The following MAGI2 variants were observed in gnomAD, a reference collection of about 807,000 sequenced individuals.
MAGI2 encodes the protein membrane associated guanylate kinase, WW and PDZ domain containing 2, also known as membrane-associated guanylate kinase, WW and PDZ domain-containing protein 2.
A neutral mutation model predicts 133.3 loss-of-function variants in MAGI2; 35 were observed. The observed-to-expected ratio is 0.26, with a 90% CI of 0.20 to 0.35. The LOEUF is 0.35. Among genes scored for constraint, MAGI2 ranks in the 10% least tolerant of loss-of-function variants. MAGI2 has a pLI of 1.00. For synonymous variants in MAGI2, 729 were observed against 710.6 expected (o/e 1.03, Z -0.41); for missense variants, 1,636 against 1,863.4 (o/e 0.88, Z 2.25).
chr7:78,478,097 C>T (rs1250067227), intron 6 of MAGI2, among the ~76,000 whole-genome samples: 9 of 151,628 alleles, frequency 5.9e-5, no homozygotes, highest in Admixed American at 2.0e-4. Flanking sequence ...CAACAGGCCC[C>T]GGTGTGTGAT....
chr7:79,332,242 G>C (rs1840136702), intron 1 of MAGI2, among the ~76,000 whole-genome samples: 1 of 152,176 alleles, frequency 6.6e-6, no homozygotes, highest in African/African-American at 2.4e-5. Flanking sequence ...AGGAAGTAAA[G>C]ATTCAATTCC....
chr7:78,431,417 T>C (rs932025526), intron 6 of MAGI2, among the ~76,000 whole-genome samples: 11 of 152,122 alleles, frequency 7.2e-5, no homozygotes, highest in Non-Finnish European at 7.4e-5. Flanking sequence ...GATTATCCTA[T>C]GGAAGCAGAC....
At chr7:79,275,219 C>A (rs909858460) in intron 1 of MAGI2, among the ~76,000 whole-genome samples, 5 of 152,222 alleles carry the variant, frequency 3.3e-5, no homozygotes, top group African/African-American at 1.2e-4. Context: ...TTAGCCAAAT[C>A]ATGAATTCCA....
At chr7:78,929,994 G>T (rs1799992549) in intron 2 of MAGI2, among the ~76,000 whole-genome samples, 1 of 151,922 alleles carries the variant, frequency 6.6e-6, no homozygotes, top group South Asian at 2.1e-4. Flanking sequence ...TTTAATTTGG[G>T]GCTGGGATTT....
intron 1 of MAGI2, among the ~76,000 whole-genome samples, chr7:79,075,484 G>A (rs1007746185): frequency 6.6e-6 from 1 of 152,124 alleles, no homozygotes; most frequent in African/African-American, 2.4e-5. Flanking sequence ...CATTAGGCTG[G>A]GAGTGGTGGC....
At chr7:79,342,510 C>A (rs1463003994) in intron 1 of MAGI2, among the ~76,000 whole-genome samples, 1 of 152,236 alleles carries the variant, frequency 6.6e-6, no homozygotes, top group Non-Finnish European at 1.5e-5. Flanking sequence ...GATTTAGATG[C>A]TTTTTTATTA....
intron 1 of MAGI2, among the ~76,000 whole-genome samples, chr7:79,146,241 CAGA>C (rs934343718): frequency 7.2e-5 from 11 of 152,170 alleles, no homozygotes; most frequent in African/African-American, 9.7e-5. Flanking sequence ...TCAGCAAACA[CAGA>C]AGAAGATTAA....
At chr7:78,386,007 C>T (rs1045521088) in intron 6 of MAGI2, among the ~76,000 whole-genome samples, 2 of 151,878 alleles carry the variant, frequency 1.3e-5, no homozygotes, top group Non-Finnish European at 2.9e-5. Context: ...CCCCCCCTAG[C>T]TCAAACAGTG....
At chr7:79,168,917 T>G (rs967380421) in intron 1 of MAGI2, among the ~76,000 whole-genome samples, 17 of 43,694 alleles carry the variant, frequency 3.9e-4, no homozygotes, top group African/African-American at 8.2e-4. Context: ...TATATATATA[T>G]ATATATATAT....
intron 1 of MAGI2, among the ~76,000 whole-genome samples, chr7:79,364,780 T>G (rs953414347): frequency 2.6e-5 from 4 of 151,922 alleles, no homozygotes; most frequent in Admixed American, 2.6e-4. Flanking sequence ...TAACCCAGAA[T>G]AGATCATAAA....
At chr7:79,263,309 A>G (rs1585365498) in intron 1 of MAGI2, among the ~76,000 whole-genome samples, 3 of 152,252 alleles carry the variant, frequency 2.0e-5, no homozygotes, top group Middle Eastern at 3.4e-3. Context: ...CCTCTGAGGT[A>G]GGCACTATAA....
At chr7:78,915,899 C>A (rs1798757735) in intron 2 of MAGI2, among the ~76,000 whole-genome samples, 1 of 151,812 alleles carries the variant, frequency 6.6e-6, no homozygotes, top group African/African-American at 2.4e-5. Context: ...GTGGCGTGAG[C>A]AGAAACGTGA....
intron 2 of MAGI2, among the ~76,000 whole-genome samples, chr7:78,761,824 C>T (rs934952744): frequency 1.3e-5 from 2 of 151,964 alleles, no homozygotes; most frequent in Non-Finnish European, 2.9e-5. Context: ...TTAGGCAATG[C>T]TGATGCTGGT....
intron 6 of MAGI2, among the ~76,000 whole-genome samples, chr7:78,369,944 C>T (rs1445838929): frequency 7.2e-5 from 11 of 151,940 alleles, no homozygotes; most frequent in African/African-American, 2.4e-4. Flanking sequence ...TTTCCAAATA[C>T]ACCAAGGTTT....
chr7:78,600,845 A>G lies in MAGI2; in HGVS notation c.538+26275T>C, dbSNP rs547579389. Among the ~76,000 whole-genome samples the G allele has an allele frequency of 5.3e-5, 8 of 152,276 alleles. No homozygotes were observed. In the East Asian group the frequency reaches 1.5e-3, roughly 29 times the overall value. The stretch of plus-strand genomic sequence containing the variant: ...TAAAATTGATAAATCAACAAATAGT[A>G]GTATAAAATTACTTTTAAAATGTGA... On this transcript the variant is annotated intron_variant, in intron 3 of 21. Transcript: ENST00000354212.
In MAGI2 at chr7:78,976,582, C is replaced by T. The variant is rs1361616979; in HGVS notation, c.418+30508G>A. On this transcript the variant is annotated intron_variant, in intron 2 of 21. Transcript: ENST00000354212. ...CTTTTTTCACCACTCTATTTAACAT[C>T]ATACTGGAAGTTCTATCTAGTGAAA... 2.6e-5 allele frequency among the ~76,000 whole-genome samples: 4 copies of T among 151,030 alleles called. No individual in the cohort carries two copies. The Admixed American group carries it at 2.6e-4, about 10-fold the overall frequency.
intron 9 of MAGI2, among the ~76,000 whole-genome samples, chr7:78,299,755 C>G (rs1797668097): frequency 6.6e-6 from 1 of 152,062 alleles, no homozygotes; most frequent in South Asian, 2.1e-4. Flanking sequence ...TCTCCCTCCT[C>G]TCAACCCCCA....
chr7:78,777,457 T>G (rs1402237251), intron 2 of MAGI2, among the ~76,000 whole-genome samples: 1 of 152,084 alleles, frequency 6.6e-6, no homozygotes, highest in Non-Finnish European at 1.5e-5. Flanking sequence ...ACCACCACCA[T>G]TATCACTGTC....
At chr7:79,413,129 C>A (rs943959790) in intron 1 of MAGI2, 2 of 152,130 alleles carry the variant, frequency 1.3e-5, no homozygotes, top group African/African-American at 4.8e-5. Context: ...ACAATCCGAT[C>A]TTTCATGCTC....
Sources: gnomAD v4.1 joint callset for allele counts (sites outside exome capture counted in the v4.1 genomes callset) on GRCh38, gnomAD v4.1.1 for gene constraint, MANE v1.5 for transcripts, NCBI Gene and HGNC (gene_info 2026-07-23, HGNC 2026-07-21) for gene names.